Variants in STON2 observed in about 807,000 individuals in gnomAD.
The protein encoded by STON2 is stonin-2.
In STON2, 29 loss-of-function variants were observed where a neutral mutation model predicts 65.7. The ratio of observed to expected loss-of-function variants is 0.44; its 90% CI spans 0.33 to 0.60. STON2 has a LOEUF of 0.60. Ranked by LOEUF, STON2 falls within the 20% of genes least tolerant of loss-of-function variation. STON2 has a pLI of 0.03. For missense variants in STON2, 1,054 were observed against 1,118.1 expected, an observed-to-expected ratio of 0.94 and a Z score of 0.82; for synonymous variants, 404 against 414.2, an observed-to-expected ratio of 0.98 and a Z score of 0.30.
chr14:81,277,577 T>C lies in STON2; in HGVS notation c.1905A>G (p.Glu635=), dbSNP rs978738748. ...EEEITVDVRD[E]FSGIVSKGDN... is the part of the protein sequence containing the mutation. The stretch of plus-strand genomic sequence containing the variant: ...CTCCTTTGCTCACAATGCCAGAGAA[T>C]TCATCTCTGACATCCACTGTAATCT... The change falls in exon 6 of 8, where the codon GAA becomes GAG. Residue 635 remains glutamate (E), a synonymous_variant. Transcript: ENST00000614646. 4 of 1,613,948 alleles carry C rather than the reference T, an allele frequency of 2.5e-6. No individual in the cohort carries two copies. Among genetic ancestry groups the C allele is most frequent in the Middle Eastern group, 3.3e-4 (2 of 6,084 alleles).
intron 3 of STON2, 82 bp from the exon 4 acceptor site, chr14:81,371,267 T>C: frequency 7.7e-7 from 1 of 1,301,498 alleles, no homozygotes; most frequent in East Asian, 2.4e-5. Context: ...TACTTTGATG[T>C]TGCTCACATC....
upstream of STON2, among the ~76,000 whole-genome samples, chr14:81,404,676 A>C (rs1204760596): frequency 1.3e-5 from 2 of 151,946 alleles, no homozygotes; most frequent in Non-Finnish European, 2.9e-5. Context: ...CCTAATTTTA[A>C]AAAATGTTTC....
At chr14:81,421,734 G>C (rs777458726) in intron 2 of STON2, among the ~76,000 whole-genome samples, 1 of 152,196 alleles carries the variant, frequency 6.6e-6, no homozygotes. Flanking sequence ...GAATGGTTGG[G>C]ACATAAAAGG....
intron 7 of STON2, chr14:81,270,096 T>C (rs1894510994): frequency 1.0e-6 from 1 of 965,982 alleles, no homozygotes; most frequent in Non-Finnish European, 1.2e-6. Context: ...ATTACTCTTT[T>C]TCTTTTTTTG....
At chr14:81,319,616 T>G (rs920287010) in intron 5 of STON2, among the ~76,000 whole-genome samples, 1 of 151,452 alleles carries the variant, frequency 6.6e-6, no homozygotes, top group South Asian at 2.1e-4. Context: ...CTGGAATCAC[T>G]GCATCTTTCA....
chr14:81,310,882 T>C (rs1896397266), intron 5 of STON2, among the ~76,000 whole-genome samples: 1 of 152,190 alleles, frequency 6.6e-6, no homozygotes, highest in Non-Finnish European at 1.5e-5. Context: ...CATAGGTGTT[T>C]TCCTCTAAAT....
At chr14:81,433,239 T>C (rs1381517323) in intron 1 of STON2, among the ~76,000 whole-genome samples, 1 of 152,214 alleles carries the variant, frequency 6.6e-6, no homozygotes, top group African/African-American at 2.4e-5. Context: ...GCAGTGGAAT[T>C]TGAAGTCATG....
At chr14:81,398,603 A>G in intron 1 of STON2, 23 bp from the exon 2 acceptor site, 1 of 471,704 alleles carries the variant, frequency 2.1e-6, no homozygotes, top group Non-Finnish European at 3.7e-6. Flanking sequence ...CAAACAAACA[A>G]AAAATTAAAA....
In STON2 at chr14:81,261,944, TAAAAAAAAA is replaced by T. The variant is rs753081402; in HGVS notation, c.*6461_*6469del. On this transcript the variant is annotated 3_prime_UTR_variant, in exon 8 of 8. Transcript: ENST00000614646. ...CTGTTTCTGTTGTCTGGGGAAATGA[TAAAAAAAAA>T]AAAAAAAAAGAGAGAGATGTGAAAA... 1.7e-6 allele frequency: 2 copies of T among 1,196,664 alleles called. No homozygotes were observed. The highest frequency in any genetic ancestry group is 2.7e-5 in the South Asian group (1 of 37,430). The allele number at this position is 1,196,664 out of a possible 1,614,324, so 74.1% of individuals were successfully genotyped here.
At chr14:81,270,486 C>T in intron 7 of STON2, 184 bp downstream of exon 7, 1 of 1,505,704 alleles carries the variant, frequency 6.6e-7, no homozygotes, top group Non-Finnish European at 8.9e-7. Flanking sequence ...CTCTCATCCA[C>T]TAGCCAGATT....
intron 5 of STON2, among the ~76,000 whole-genome samples, chr14:81,317,004 A>G (rs1238811591): frequency 1.3e-5 from 2 of 152,118 alleles, no homozygotes; most frequent in Non-Finnish European, 2.9e-5. Flanking sequence ...TGGGTGATAG[A>G]GTGAGACTCT....
intron 4 of STON2, among the ~76,000 whole-genome samples, chr14:81,360,176 T>C (rs527980113): frequency 8.3e-4 from 126 of 152,314 alleles, no homozygotes; most frequent in African/African-American, 2.9e-3. Flanking sequence ...CAAACTCTTT[T>C]AATGAGGCCA....
At position 81,266,885 on chromosome 14, in the gene STON2, A is replaced by G. The variant is rs548851427; in HGVS notation, c.*1529T>C. 2 of 983,104 alleles carry G rather than the reference A, an allele frequency of 2.0e-6. No individual in the cohort carries two copies. Among genetic ancestry groups the G allele is most frequent in the Admixed American group, 6.2e-5 (1 of 16,258 alleles). The allele number at this position is 983,104 out of a possible 1,614,324, so 60.9% of individuals were successfully genotyped here. Reference sequence around the variant, plus strand: ...GTACTTAGAGGGTTGCATTTTAAAAACCCAGAATATAGGGTTTCTCATTAA... The same window carrying G: ...GTACTTAGAGGGTTGCATTTTAAAAGCCCAGAATATAGGGTTTCTCATTAA... On this transcript the variant is annotated 3_prime_UTR_variant, in exon 8 of 8. Coordinates refer to ENST00000614646, the MANE Select transcript of STON2 (RefSeq NM_001394390.1).
intron 4 of STON2, among the ~76,000 whole-genome samples, chr14:81,338,476 A>G (rs891623667): frequency 6.6e-6 from 1 of 152,054 alleles, no homozygotes; most frequent in African/African-American, 2.4e-5. Context: ...TCTGGCTGTT[A>G]TCCTTTAAAT....
At chr14:81,424,499 TAA>T (rs11357855) in intron 2 of STON2, among the ~76,000 whole-genome samples, 28,041 of 148,312 alleles carry the variant, frequency 0.19, 3,570 homozygotes, top group African/African-American at 0.35. Flanking sequence ...ACACTCTCAC[TAA>T]AAAAAAAAAA....
At chr14:81,296,246 A>G (rs1296440907) in intron 5 of STON2, among the ~76,000 whole-genome samples, 1 of 152,224 alleles carries the variant, frequency 6.6e-6, no homozygotes, top group Non-Finnish European at 1.5e-5. Context: ...AGAGTGGGGA[A>G]TACAGGATAT....
chr14:81,395,789 G>T, intron 3 of STON2, 105 bp downstream of exon 3: 1 of 1,177,240 alleles, frequency 8.5e-7, no homozygotes, highest in Non-Finnish European at 1.2e-6. Context: ...AGTGCTTCAG[G>T]GTTAGGGGGC....
chr14:81,426,868 A>G (rs1009584205), intron 2 of STON2, among the ~76,000 whole-genome samples: 1 of 152,208 alleles, frequency 6.6e-6, no homozygotes, highest in Non-Finnish European at 1.5e-5. Flanking sequence ...TAGTCACGTA[A>G]GCTTCGTCTA....
intron 4 of STON2, among the ~76,000 whole-genome samples, chr14:81,330,391 T>C (rs115946592): frequency 0.012 from 1,889 of 152,178 alleles, 37 homozygotes; most frequent in African/African-American, 0.043. Flanking sequence ...TTACGATCTT[T>C]GATAAATGAA....
Sources: gnomAD v4.1 joint callset for allele counts (sites outside exome capture counted in the v4.1 genomes callset) on GRCh38, gnomAD v4.1.1 for gene constraint, MANE v1.5 for transcripts, NCBI Gene and HGNC (gene_info 2026-07-23, HGNC 2026-07-21) for gene names.